The following CABLES1 variants were observed in gnomAD, a reference collection of about 807,000 sequenced individuals.
CABLES1 encodes the protein CDK5 and ABL1 enzyme substrate 1.
Under a neutral mutation model 57.8 loss-of-function variants are expected in CABLES1, and 36 were observed. The observed-to-expected ratio is 0.62, with a 90% CI of 0.48 to 0.82. The LOEUF (loss-of-function observed/expected upper bound fraction) is 0.82. Ranked by LOEUF, CABLES1 falls within the 40% of genes least tolerant of loss-of-function variation. The probability of loss-of-function intolerance (pLI) is 0.00; values close to 1 mark genes in which losing one functional copy is unlikely to be tolerated. For missense variants in CABLES1, 767 were observed against 836.6 expected (o/e 0.92, Z 1.03); for synonymous variants, 374 against 363.0 (o/e 1.03, Z -0.35).
chr18:23,229,360 C>T (rs1454504752), intron 4 of CABLES1, among the ~76,000 whole-genome samples: 1 of 151,972 alleles, frequency 6.6e-6, no homozygotes, highest in Non-Finnish European at 1.5e-5. Context: ...TGCAGTGAGC[C>T]GAGATCGCAC....
In CABLES1 at chr18:23,136,128, C is replaced by G. The variant is rs1306321205; in HGVS notation, c.366C>G (p.Leu122=). 9.2e-6 allele frequency: 11 copies of G among 1,197,274 alleles called. No individual in the cohort carries two copies. In the South Asian group the frequency reaches 3.3e-4, roughly 36 times the overall value. 74.2% of individuals were successfully genotyped at this position (1,197,274 alleles called of 1,614,324 possible). ...AAAERGGCIA[L]AAPGTPAAGL... is the part of the protein sequence containing the mutation. ...CCGAGCGGGGCGGCTGCATCGCGCTCGCCGCGCCGGGCACGCCGGCTGCGG... is the reference window on the plus strand; with the variant it reads ...CCGAGCGGGGCGGCTGCATCGCGCTGGCCGCGCCGGGCACGCCGGCTGCGG... Residue 122 remains leucine (L), a synonymous_variant, in exon 1 of 10, where the codon CTC becomes CTG. Transcript: ENST00000256925.
chr18:23,174,837 T>TATAC (rs1452240990), intron 1 of CABLES1, among the ~76,000 whole-genome samples: 1 of 135,504 alleles, frequency 7.4e-6, no homozygotes, highest in African/African-American at 2.9e-5. Flanking sequence ...TATATATATA[T>TATAC]ATATATATAT....
chr18:23,193,194 C>CTTTTTTTTT (rs763239686), intron 2 of CABLES1, among the ~76,000 whole-genome samples: 1 of 142,304 alleles, frequency 7.0e-6, no homozygotes, highest in Non-Finnish European at 1.5e-5. Flanking sequence ...AAGAATCTTT[C>CTTTTTTTTT]TTTTTTTTTT....
intron 1 of CABLES1, among the ~76,000 whole-genome samples, chr18:23,184,459 T>C (rs1315842063): frequency 6.6e-6 from 1 of 152,078 alleles, no homozygotes; most frequent in African/African-American, 2.4e-5. Flanking sequence ...TCCCAGCACT[T>C]TGGGAGGCCG....
intron 4 of CABLES1, among the ~76,000 whole-genome samples, chr18:23,219,691 T>C (rs1026260939): frequency 1.8e-4 from 27 of 152,186 alleles, no homozygotes; most frequent in Non-Finnish European, 3.4e-4. Context: ...CTCAGACCCC[T>C]CATCTATAAA....
At chr18:23,166,764 G>A (rs8094261) in intron 1 of CABLES1, among the ~76,000 whole-genome samples, 1 of 152,030 alleles carries the variant, frequency 6.6e-6, no homozygotes, top group Non-Finnish European at 1.5e-5. Flanking sequence ...TATCAGTGTC[G>A]TTTCTTCACT....
intron 5 of CABLES1, 106 bp from the exon 6 acceptor site, chr18:23,235,789 G>A: frequency 8.9e-7 from 1 of 1,129,894 alleles, no homozygotes; most frequent in Non-Finnish European, 1.3e-6. Context: ...ATTGCAAATA[G>A]GAGAAAGTGG....
intron 7 of CABLES1, 96 bp from the exon 8 acceptor site, chr18:23,252,864 T>A (rs1160242489): frequency 1.3e-6 from 1 of 764,172 alleles, no homozygotes; most frequent in African/African-American, 1.7e-5. Flanking sequence ...CCGTTGCTCA[T>A]GGCTTTGGGA....
rs9954955 is a variant in CABLES1 at position 23,246,613 on chromosome 18, G to C, written c.1447-6347G>C. On this transcript the variant is annotated intron_variant, in intron 7 of 9. Coordinates refer to ENST00000256925, the MANE Select transcript of CABLES1 (RefSeq NM_001100619.3). ...TCACCGTGTTAGCCAGGATGGTCTC[G>C]ATCTCCTGACCTTGTGATCCGCCCA... Among the ~76,000 whole-genome samples the C allele has an allele frequency of 6.5e-3, 991 of 151,798 alleles. 16 individuals are homozygous for C. The highest frequency in any genetic ancestry group is 0.018 in the African/African-American group (757 of 41,212).
At chr18:23,192,131 T>C (rs577482628) in intron 2 of CABLES1, among the ~76,000 whole-genome samples, 1 of 152,318 alleles carries the variant, frequency 6.6e-6, no homozygotes, top group South Asian at 2.1e-4. Flanking sequence ...GAACTGAGCA[T>C]GCGTCATGAG....
At chr18:23,242,425 CAG>C (rs911105708) in intron 7 of CABLES1, among the ~76,000 whole-genome samples, 2 of 152,168 alleles carry the variant, frequency 1.3e-5, no homozygotes, top group African/African-American at 4.8e-5. Flanking sequence ...TGGTGTGTCT[CAG>C]GGGAGGGCGG....
At chr18:23,201,011 C>T (rs761863226) in intron 3 of CABLES1, among the ~76,000 whole-genome samples, 32 of 152,194 alleles carry the variant, frequency 2.1e-4, no homozygotes, top group Non-Finnish European at 4.1e-4. Flanking sequence ...GCCCAGAAGC[C>T]TCGTAGTCAG....
rs73402676 is a variant in CABLES1 at position 23,199,888 on chromosome 18, C to T, written c.1010+5348C>T. 6.0e-3 allele frequency among the ~76,000 whole-genome samples: 913 copies of T among 152,154 alleles called. 7 individuals carry two copies. Among genetic ancestry groups the T allele is most frequent in the African/African-American group, 0.021 (858 of 41,478 alleles). ...AATAAAATAAAACACCAGTAATAGCCATAGGCTATTACTATTAAGACAATG... is the reference window on the plus strand; with the variant it reads ...AATAAAATAAAACACCAGTAATAGCTATAGGCTATTACTATTAAGACAATG... On this transcript the variant is annotated intron_variant, in intron 3 of 9. Coordinates refer to ENST00000256925, the MANE Select transcript of CABLES1 (RefSeq NM_001100619.3).
intron 4 of CABLES1, 192 bp downstream of exon 4, chr18:23,214,246 T>C (rs1000999717): frequency 1.8e-6 from 1 of 550,288 alleles, no homozygotes. Context: ...GTTGTGTGTG[T>C]GCGTGTGTGT....
At chr18:23,142,840 C>T (rs2046866397) in intron 1 of CABLES1, among the ~76,000 whole-genome samples, 1 of 152,170 alleles carries the variant, frequency 6.6e-6, no homozygotes, top group Admixed American at 6.5e-5. Flanking sequence ...TCACACCCTT[C>T]CCTGTGGCAG....
At chr18:23,224,791 G>C (rs988157700) in intron 4 of CABLES1, among the ~76,000 whole-genome samples, 1 of 151,714 alleles carries the variant, frequency 6.6e-6, no homozygotes, top group Non-Finnish European at 1.5e-5. Context: ...GGATGGTCTC[G>C]ATCTCCTGAC....
intron 4 of CABLES1, among the ~76,000 whole-genome samples, chr18:23,222,921 G>GC (rs1427051751): frequency 6.6e-6 from 1 of 152,204 alleles, no homozygotes; most frequent in East Asian, 1.9e-4. Flanking sequence ...AGATGCAAGT[G>GC]CTAAGCCCCA....
At chr18:23,205,570 T>A (rs1201351543) in intron 3 of CABLES1, among the ~76,000 whole-genome samples, 1 of 152,090 alleles carries the variant, frequency 6.6e-6, no homozygotes, top group Non-Finnish European at 1.5e-5. Flanking sequence ...TGTGTTGAGG[T>A]CCTAACTCCC....
At chr18:23,157,411 T>G (rs1203905772) in intron 1 of CABLES1, among the ~76,000 whole-genome samples, 2 of 152,164 alleles carry the variant, frequency 1.3e-5, no homozygotes, top group South Asian at 2.1e-4. Context: ...AAGGCCTGCC[T>G]CAGCCCATCT....
Sources: gnomAD v4.1 joint callset for allele counts (sites outside exome capture counted in the v4.1 genomes callset) on GRCh38, gnomAD v4.1.1 for gene constraint, MANE v1.5 for transcripts, NCBI Gene and HGNC (gene_info 2026-07-23, HGNC 2026-07-21) for gene names.